The following NR2C2 variants were observed in gnomAD, a reference collection of about 807,000 sequenced individuals.
The protein encoded by NR2C2 is Nuclear hormone receptor TR4.
Under a neutral mutation model 62.9 loss-of-function variants are expected in NR2C2, and 6 were observed. That is an observed-to-expected ratio of 0.10 (90% CI 0.05 to 0.19). The LOEUF is 0.19. Ranked by LOEUF, NR2C2 falls within the 10% of genes least tolerant of loss-of-function variation. The pLI is 1.00. For synonymous variants in NR2C2, 272 were observed against 273.8 expected (o/e 0.99, Z 0.07); for missense variants, 479 against 762.7 (o/e 0.63, Z 4.38).
chr3:14,973,777 T>C (rs185130018), intron 1 of NR2C2, among the ~76,000 whole-genome samples: 324 of 152,300 alleles, frequency 2.1e-3, no homozygotes, highest in Non-Finnish European at 1.9e-3. Context: ...CCTTTTTTTT[T>C]CCTCTAATAT....
chr3:15,002,244 C>T (rs1044949175), intron 1 of NR2C2, among the ~76,000 whole-genome samples: 9 of 152,184 alleles, frequency 5.9e-5, no homozygotes, highest in African/African-American at 1.9e-4. Flanking sequence ...AGATTGAGAA[C>T]TTTCCTTTTA....
chr3:14,971,730 A>C (rs73145252), intron 1 of NR2C2, among the ~76,000 whole-genome samples: 3,055 of 151,454 alleles, frequency 0.02, 214 homozygotes, highest in African/African-American at 0.071. Flanking sequence ...GCACTTCCCT[A>C]ATGATTAGTG....
At chr3:15,010,120 C>T (rs1202084100) in intron 2 of NR2C2, among the ~76,000 whole-genome samples, 1 of 152,180 alleles carries the variant, frequency 6.6e-6, no homozygotes, top group Non-Finnish European at 1.5e-5. Context: ...CAATACCTCT[C>T]CTCCACAGCC....
chr3:15,043,016 C>G lies in NR2C2; in HGVS notation c.*8C>G. On this transcript the variant is annotated 3_prime_UTR_variant, in exon 14 of 14. Transcript: ENST00000425241. ...ACCGGAGCCAGTCTATAGCGCAAAC[C>G]ACACACCTGCCAAGGAGCAACAGAA... 6.2e-7 allele frequency: 1 copy of G among 1,611,666 alleles called. No individual in the cohort carries two copies. The highest frequency in any genetic ancestry group is 8.5e-7 in the Non-Finnish European group (1 of 1,178,476).
intron 1 of NR2C2, among the ~76,000 whole-genome samples, chr3:14,969,495 C>T (rs1157548632): frequency 1.3e-5 from 2 of 152,112 alleles, no homozygotes; most frequent in Non-Finnish European, 2.9e-5. Flanking sequence ...CCCACCTTGG[C>T]CTCCCAAAGT....
chr3:15,006,580 T>C (rs2041178793), intron 2 of NR2C2, among the ~76,000 whole-genome samples: 1 of 152,144 alleles, frequency 6.6e-6, no homozygotes, highest in South Asian at 2.1e-4. Flanking sequence ...ATTCTCATTG[T>C]ACTCAGAAAG....
chr3:15,044,254 T>C lies in NR2C2; in HGVS notation c.*1246T>C, dbSNP rs1234206977. 1 of 152,174 alleles carries C rather than the reference T, an allele frequency of 6.6e-6. No homozygotes were observed. The highest frequency in any genetic ancestry group is 6.5e-5 in the Admixed American group (1 of 15,276). 9.4% of individuals were successfully genotyped at this position (152,174 alleles called of 1,614,324 possible). On this transcript the variant is annotated 3_prime_UTR_variant, in exon 14 of 14. Transcript: ENST00000425241. ...ATACCAGAGATTTTAAAAATGTGTA[T>C]AGACTCAGCATCTCTGTTGGCAAGT... is the stretch of plus-strand genomic sequence containing the variant.
intron 8 of NR2C2, 148 bp downstream of exon 8, chr3:15,028,867 G>C (rs4685237): frequency 1 from 849,741 of 850,280 alleles, 424,602 homozygotes; most frequent in Middle Eastern, 1. Flanking sequence ...TGTCTTCTTT[G>C]AAATTTTAAC....
At chr3:15,002,693 T>C (rs1447216512) in intron 1 of NR2C2, among the ~76,000 whole-genome samples, 1 of 140,314 alleles carries the variant, frequency 7.1e-6, no homozygotes, top group Non-Finnish European at 1.5e-5. Context: ...AGTTTCACTC[T>C]TGTTGCCCAG....
At chr3:15,029,192 G>A (rs990270930) in intron 8 of NR2C2, among the ~76,000 whole-genome samples, 14 of 149,794 alleles carry the variant, frequency 9.3e-5, no homozygotes, top group African/African-American at 2.7e-4. Context: ...TGATCTTCCC[G>A]CCTCAGCATC....
intron 2 of NR2C2, among the ~76,000 whole-genome samples, chr3:15,013,169 C>G (rs1438301287): frequency 6.6e-6 from 1 of 152,114 alleles, no homozygotes; most frequent in Non-Finnish European, 1.5e-5. Flanking sequence ...ATTTACAGGA[C>G]CTTTTAGAAA....
intron 1 of NR2C2, among the ~76,000 whole-genome samples, chr3:14,969,050 T>G: frequency 6.8e-6 from 1 of 147,726 alleles, no homozygotes; most frequent in African/African-American, 2.5e-5. Context: ...GACGAGTTAG[T>G]GGGTGCAGCG....
intron 3 of NR2C2, among the ~76,000 whole-genome samples, chr3:15,015,281 A>G (rs2041476976): frequency 6.6e-6 from 1 of 152,230 alleles, no homozygotes; most frequent in Non-Finnish European, 1.5e-5. Context: ...AGTACATTTT[A>G]AAATAACAGC....
At chr3:15,029,209 T>G (rs189099129) in intron 8 of NR2C2, among the ~76,000 whole-genome samples, 3 of 152,156 alleles carry the variant, frequency 2.0e-5, no homozygotes, top group Admixed American at 2.0e-4. Context: ...CATCCCAAAG[T>G]GCTGGGTTTA....
At chr3:14,987,949 A>T (rs1286018885) in intron 1 of NR2C2, among the ~76,000 whole-genome samples, 3 of 152,148 alleles carry the variant, frequency 2.0e-5, no homozygotes, top group Non-Finnish European at 4.4e-5. Flanking sequence ...TTTGATCATT[A>T]TTTTTCTGTA....
At chr3:14,988,990 C>T (rs2040589322) in intron 1 of NR2C2, among the ~76,000 whole-genome samples, 1 of 152,102 alleles carries the variant, frequency 6.6e-6, no homozygotes, top group African/African-American at 2.4e-5. Context: ...TCCGTAATAC[C>T]TCTTTTCTCC....
At chr3:15,036,438 G>A (rs776432241) in intron 11 of NR2C2, among the ~76,000 whole-genome samples, 2 of 152,076 alleles carry the variant, frequency 1.3e-5, no homozygotes, top group East Asian at 1.9e-4. Flanking sequence ...CCCAGGATTC[G>A]AAGTAACACT....
At chr3:15,023,424 G>A in intron 6 of NR2C2, 77 bp downstream of exon 6, 3 of 1,530,994 alleles carry the variant, frequency 2.0e-6, no homozygotes, top group Non-Finnish European at 2.7e-6. Context: ...AGCAGGCACT[G>A]TTGTGGCTTC....
At chr3:15,032,961 G>C (rs549074811) in intron 10 of NR2C2, among the ~76,000 whole-genome samples, 5 of 149,906 alleles carry the variant, frequency 3.3e-5, no homozygotes, top group Non-Finnish European at 7.4e-5. Flanking sequence ...ATCTCTACAG[G>C]AAACCCCCCC....
Sources: allele counts gnomAD v4.1 joint callset (sites outside exome capture counted in the v4.1 genomes callset), GRCh38; gene constraint gnomAD v4.1.1; transcripts MANE v1.5; gene names NCBI Gene and HGNC (gene_info 2026-07-23, HGNC 2026-07-21).